Variants in ZNF174 observed in about 807,000 individuals in gnomAD.
ZNF174 encodes the protein zinc finger protein 174.
Under a neutral mutation model 38.7 loss-of-function variants are expected in ZNF174, and 30 were observed. The ratio of observed to expected loss-of-function variants is 0.78; its 90% CI spans 0.58 to 1.05. The LOEUF (loss-of-function observed/expected upper bound fraction) is 1.05. Among genes scored for constraint, ZNF174 ranks in the 50% least tolerant of loss-of-function variants. The pLI is 0.00. For missense variants in ZNF174, 499 were observed against 495.6 expected, an observed-to-expected ratio of 1.01 and a Z score of -0.06; for synonymous variants, 201 against 181.7, an observed-to-expected ratio of 1.11 and a Z score of -0.86.
chr16:3,403,701 C>A (rs2150923237), intron 1 of ZNF174, among the ~76,000 whole-genome samples: 1 of 151,866 alleles, frequency 6.6e-6, no homozygotes, highest in African/African-American at 2.4e-5. Context: ...CCAGGCTGGT[C>A]TTGAACTCTT....
intron 2 of ZNF174, among the ~76,000 whole-genome samples, chr16:3,405,799 G>C (rs888892661): frequency 2.0e-5 from 3 of 152,202 alleles, no homozygotes; most frequent in Non-Finnish European, 2.9e-5. Context: ...TTAGGCTCAG[G>C]AGTTCGAGAC....
chr16:3,404,092 T>TG (rs1241707573), intron 1 of ZNF174, among the ~76,000 whole-genome samples: 1 of 151,792 alleles, frequency 6.6e-6, no homozygotes, highest in Non-Finnish European at 1.5e-5. Flanking sequence ...CAGAAGTAGG[T>TG]GGGGGGTGGT....
chr16:3,407,939 A>T lies in ZNF174; in HGVS notation c.626-382A>T, dbSNP rs559571431. On this transcript the variant is annotated intron_variant, in intron 2 of 2. Transcript: ENST00000268655. ...CAGCAGTAAAATTTGCAATGTTGAGATTTCACCTCTCTTCCTTCTTCATTA... is the reference window on the plus strand; with the variant it reads ...CAGCAGTAAAATTTGCAATGTTGAGTTTTCACCTCTCTTCCTTCTTCATTA... Among the ~76,000 whole-genome samples the T allele has an allele frequency of 7.0e-4, 107 of 152,278 alleles. 1 individual carries two copies. The highest frequency in any genetic ancestry group is 1.3e-3 in the Non-Finnish European group (91 of 68,020).
Position 3,409,178 on chromosome 16 carries a change from C to G in ZNF174, c.*259C>G. 2.1e-6 allele frequency: 1 copy of G among 466,900 alleles called. No homozygotes were observed. Among genetic ancestry groups the G allele is most frequent in the Admixed American group, 3.9e-5 (1 of 25,538 alleles). 28.9% of individuals were successfully genotyped at this position (466,900 alleles called of 1,614,324 possible). On this transcript the variant is annotated 3_prime_UTR_variant, in exon 3 of 3. Coordinates refer to ENST00000268655, the MANE Select transcript of ZNF174 (RefSeq NM_003450.3). ...AGTCTCTGCAGAGAGCAAGGAGTAACTACTGAGAGAGAATCAGGACAATCC... is the reference window on the plus strand; with the variant it reads ...AGTCTCTGCAGAGAGCAAGGAGTAAGTACTGAGAGAGAATCAGGACAATCC...
intron 2 of ZNF174, chr16:3,404,920 G>A: frequency 6.2e-7 from 1 of 1,614,084 alleles, no homozygotes; most frequent in Non-Finnish European, 8.5e-7. Flanking sequence ...ACTTCTTATA[G>A]AAAAGACAGA....
At chr16:3,404,735 G>A (rs745642038) in intron 2 of ZNF174, 87 bp downstream of exon 2, 2 of 1,561,498 alleles carry the variant, frequency 1.3e-6, no homozygotes, top group African/African-American at 1.4e-5. Flanking sequence ...TAGACCACAT[G>A]TGTGTGTTTT....
intron 1 of ZNF174, among the ~76,000 whole-genome samples, chr16:3,403,640 A>G (rs1472540066): frequency 6.6e-6 from 1 of 151,950 alleles, no homozygotes; most frequent in African/African-American, 2.4e-5. Flanking sequence ...ACATGCCACC[A>G]TGCGTGGCTA....
At position 3,409,215 on chromosome 16, in the gene ZNF174, C is replaced by T. The variant is rs189062531; in HGVS notation, c.*296C>T. 7.9e-5 allele frequency: 28 copies of T among 354,412 alleles called. No homozygotes were observed. In the East Asian group the frequency reaches 9.1e-4, roughly 12 times the overall value. 22.0% of individuals were successfully genotyped at this position (354,412 alleles called of 1,614,324 possible). A position where few individuals can be genotyped will look rare whatever the true frequency, so the allele number is the denominator to read the frequency against. On this transcript the variant is annotated 3_prime_UTR_variant, in exon 3 of 3. Transcript: ENST00000268655. The stretch of plus-strand genomic sequence containing the variant: ...AATCAGGACAATCCTGCAGGTGGCC[C>T]GCTTACTGTTAAATCGTCCCTCTGT...
Position 3,409,257 on chromosome 16 carries a change from A to C in ZNF174, c.*338A>C. ...TCCCTCTGTTGCTTTATCCTCTAAA[A>C]TATGTTAAGGGATAAATTCTATATA... On this transcript the variant is annotated 3_prime_UTR_variant, in exon 3 of 3. Transcript: ENST00000268655. 1 of 256,374 alleles carries C rather than the reference A, an allele frequency of 3.9e-6. No homozygotes were observed. The highest frequency in any genetic ancestry group is 7.5e-6 in the Non-Finnish European group (1 of 132,930). The allele number at this position is 256,374 out of a possible 1,614,324, so 15.9% of individuals were successfully genotyped here.
At chr16:3,405,656 G>A (rs564354164) in intron 2 of ZNF174, among the ~76,000 whole-genome samples, 3 of 152,164 alleles carry the variant, frequency 2.0e-5, no homozygotes, top group Non-Finnish European at 4.4e-5. Flanking sequence ...TTAGCCCCTG[G>A]CAACCACAGT....
Position 3,401,893 on chromosome 16 carries a change from C to G in ZNF174, c.-112C>G. ...TCTGCATCCCGTTCCCCCTAACATC[C>G]TCAGAGAACCTTCGTTTCTAGAATC... On this transcript the variant is annotated 5_prime_UTR_variant, in exon 1 of 3. Transcript: ENST00000268655. The G allele has an allele frequency of 7.3e-7, 1 of 1,368,842 alleles. No individual in the cohort carries two copies. The highest frequency in any genetic ancestry group is 2.2e-5 in the Admixed American group (1 of 44,742). The allele number at this position is 1,368,842 out of a possible 1,614,324, so 84.8% of individuals were successfully genotyped here.
chr16:3,404,316 C>G (rs1339524751), intron 1 of ZNF174, 110 bp from the exon 2 acceptor site: 1 of 1,128,200 alleles, frequency 8.9e-7, no homozygotes, highest in Non-Finnish European at 1.3e-6. Context: ...AAGTTGACCT[C>G]TAGATGGTTA....
intron 1 of ZNF174, among the ~76,000 whole-genome samples, chr16:3,402,691 C>T (rs920031147): frequency 3.3e-4 from 50 of 152,018 alleles, no homozygotes; most frequent in African/African-American, 1.1e-3. Flanking sequence ...ATCTCCTGAC[C>T]TCGTGATCCG....
At position 3,402,289 on chromosome 16, in the gene ZNF174, G is replaced by C. The variant is rs777148983; in HGVS notation, c.285G>C (p.Leu95=). The C allele has an allele frequency of 4.6e-5, 75 of 1,613,978 alleles. No homozygotes were observed. The Middle Eastern group carries it at 1.5e-3, about 32-fold the overall frequency. ...ILELLVMEQF[L]TILPPEIQAR... ...AGCTTCTGGTGATGGAGCAGTTCCT[G>C]ACCATCCTGCCCCCGGAGATCCAGG... Residue 95 remains leucine, a synonymous_variant, in exon 1 of 3, where the codon CTG becomes CTC. Coordinates refer to ENST00000268655, the MANE Select transcript of ZNF174 (RefSeq NM_003450.3).
chr16:3,408,510 C>T lies in ZNF174; in HGVS notation c.815C>T (p.Pro272Leu), dbSNP rs2034084284. ...RQVSSPNAQK[P>L]FAHYQRHCRV... is the part of the protein sequence containing the mutation. ...GTCAGCTCCCCAAATGCTCAAAAGC[C>T]ATTTGCTCACTACCAGAGACATTGC... is the stretch of plus-strand genomic sequence containing the variant. Residue 272 changes from proline to leucine, a missense_variant, in exon 3 of 3, where the codon CCA (proline) becomes CTA (leucine). Transcript: ENST00000268655. 1.2e-6 allele frequency: 2 copies of T among 1,614,128 alleles called. No individual in the cohort carries two copies. Among genetic ancestry groups the T allele is most frequent in the African/African-American group, 2.7e-5 (2 of 75,018 alleles).
rs575065315 is a variant in ZNF174, at chr16:3,404,668, T to C, written c.625+20T>C. 4.3e-6 allele frequency: 7 copies of C among 1,613,430 alleles called. No homozygotes were observed. The African/African-American group carries it at 9.3e-5, about 22-fold the overall frequency. On this transcript the variant is annotated intron_variant, in intron 2 of 2. Coordinates refer to ENST00000268655, the MANE Select transcript of ZNF174 (RefSeq NM_003450.3). ...GGACAGGTAAACACTCTGCCTTTTC[T>C]CTCCCTCTCATCAGCCCTTTATCTC...
rs372276882 is a variant in ZNF174, at chr16:3,402,167, C to G, written c.163C>G (p.Gln55Glu). The change falls in exon 1 of 3, where the codon CAA becomes GAA. Residue 55 changes from glutamine to glutamate, a missense_variant. Coordinates refer to ENST00000268655, the MANE Select transcript of ZNF174 (RefSeq NM_003450.3). ...CCAGAGCTTCAGACGCTTTTGTTAT[C>G]AAGAGGTGTCTGGACCCCAAGAGGC... ...CRQSFRRFCY[Q>E]EVSGPQEALS... The G allele has an allele frequency of 1.1e-5, 18 of 1,612,948 alleles. No homozygotes were observed. The African/African-American group carries it at 2.1e-4, about 19-fold the overall frequency.
chr16:3,404,755 T>A, intron 2 of ZNF174, 107 bp downstream of exon 2: 1 of 1,511,560 alleles, frequency 6.6e-7, no homozygotes, highest in South Asian at 1.2e-5. Flanking sequence ...TTTTAAATGT[T>A]ATATATAATA....
rs1464957306 is a variant in ZNF174 at position 3,401,983 on chromosome 16, G to T, written c.-22G>T. 6.2e-7 allele frequency: 1 copy of T among 1,608,066 alleles called. No individual in the cohort carries two copies. Among genetic ancestry groups the T allele is most frequent in the Non-Finnish European group, 8.5e-7 (1 of 1,178,778 alleles). On this transcript the variant is annotated 5_prime_UTR_variant, in exon 1 of 3. Coordinates refer to ENST00000268655, the MANE Select transcript of ZNF174 (RefSeq NM_003450.3). ...AAGGCTTAACCCGTTTACAAGGAGA[G>T]AGTTGTCTCCTGACGCCCAAAATGG...
Sources: allele counts gnomAD v4.1 joint callset (sites outside exome capture counted in the v4.1 genomes callset), GRCh38; gene constraint gnomAD v4.1.1; transcripts MANE v1.5; gene names NCBI Gene and HGNC (gene_info 2026-07-23, HGNC 2026-07-21).